TSKU: variants seen among roughly 807,000 people sequenced by gnomAD.
TSKU encodes the protein tsukushi, small leucine rich proteoglycan, also known as tsukushi.
TSKU carries 4 observed loss-of-function variants against 11.2 expected under a neutral mutation model. That is an observed-to-expected ratio of 0.36 (90% CI 0.18 to 0.82). TSKU has a LOEUF of 0.82. TSKU is among the 40% of genes least tolerant of loss of function. TSKU has a pLI of 0.50. For missense variants in TSKU, 407 were observed against 482.5 expected (o/e 0.84, Z 1.47); for synonymous variants, 220 against 232.2 (o/e 0.95, Z 0.48).
intron 1 of TSKU, among the ~76,000 whole-genome samples, chr11:76,790,698 CG>C: frequency 6.6e-6 from 1 of 152,156 alleles, no homozygotes; most frequent in Non-Finnish European, 1.5e-5. Flanking sequence ...AGACCTTCCC[CG>C]GCCACGTGGA....
At chr11:76,788,151 A>C (rs1944329916) in intron 1 of TSKU, among the ~76,000 whole-genome samples, 1 of 151,666 alleles carries the variant, frequency 6.6e-6, no homozygotes. Context: ...CATCAGCTTG[A>C]GTGAACTCAT....
At chr11:76,784,745 G>GT (rs1491575018) in intron 1 of TSKU, among the ~76,000 whole-genome samples, 2 of 120,738 alleles carry the variant, frequency 1.7e-5, no homozygotes, top group East Asian at 2.8e-4. Flanking sequence ...CTGACCGGAG[G>GT]TGGGGGGGGG....
chr11:76,796,789 T>TCGTC lies in TSKU; in HGVS notation c.*111_*112insCGTC. 1 of 814,438 alleles carries TCGTC rather than the reference T, an allele frequency of 1.2e-6. No homozygotes were observed. Among genetic ancestry groups the TCGTC allele is most frequent in the Non-Finnish European group, 1.8e-6 (1 of 571,076 alleles). 50.5% of individuals were successfully genotyped at this position (814,438 alleles called of 1,614,324 possible). On this transcript the variant is annotated 3_prime_UTR_variant, in exon 2 of 2. Coordinates refer to ENST00000333090, the MANE Select transcript of TSKU (RefSeq NM_015516.4). The surrounding 1 kb of genome is among the most constrained non-coding windows in gnomAD (Gnocchi z 4.1). Reference sequence around the variant, plus strand: ...CCAGTGGGGAGCCCGCAGGCCTATGTGGCAGCGTCACCACAGGAGTTGTGG... The same window carrying TCGTC: ...CCAGTGGGGAGCCCGCAGGCCTATGTCGTCGGCAGCGTCACCACAGGAGTTGTGG...
At chr11:76,794,533 G>A (rs1370979954) in intron 1 of TSKU, among the ~76,000 whole-genome samples, 3 of 152,172 alleles carry the variant, frequency 2.0e-5, no homozygotes, top group Non-Finnish European at 4.4e-5. Flanking sequence ...TCCCATTCCT[G>A]CCCTGCATTT....
At chr11:76,784,752 G>GA (rs1333838406) in intron 1 of TSKU, among the ~76,000 whole-genome samples, 1 of 145,162 alleles carries the variant, frequency 6.9e-6, no homozygotes, top group Non-Finnish European at 1.5e-5. Flanking sequence ...GAGGTGGGGG[G>GA]GGGGGGGTGC....
intron 1 of TSKU, among the ~76,000 whole-genome samples, chr11:76,785,951 G>T (rs1045958396): frequency 6.6e-6 from 1 of 152,162 alleles, no homozygotes; most frequent in African/African-American, 2.4e-5. Context: ...CACTGATTTG[G>T]TGTATTAAAT....
At chr11:76,788,722 T>C (rs1944336036) in intron 1 of TSKU, among the ~76,000 whole-genome samples, 1 of 152,094 alleles carries the variant, frequency 6.6e-6, no homozygotes, top group South Asian at 2.1e-4. Context: ...CAGAGCTAGG[T>C]TCACACCTGG....
chr11:76,785,919 G>A lies in TSKU; in HGVS notation c.-9+2515G>A, dbSNP rs544362778. On this transcript the variant is annotated intron_variant, in intron 1 of 1. Coordinates refer to ENST00000333090, the MANE Select transcript of TSKU (RefSeq NM_015516.4). ...CTGGGACAAGTAACTTATTTAAAAT[G>A]TGAGGATACTAATTCTTGCTCCACT... Among the ~76,000 whole-genome samples, 65 of 152,320 alleles carry A rather than the reference G, an allele frequency of 4.3e-4. 1 individual carries two copies. Among genetic ancestry groups the A allele is most frequent in the Admixed American group, 1.1e-3 (17 of 15,304 alleles).
In TSKU at chr11:76,795,980, G is replaced by T; in HGVS notation, c.364G>T (p.Ala122Ser). Residue 122 changes from alanine (A) to serine (S), a missense_variant, in exon 2 of 2, where the codon GCC (alanine) becomes TCC (serine). By Grantham distance (99) the Ala-to-Ser change is moderately conservative. Transcript: ENST00000333090. Reference sequence around the variant, plus strand: ...TGACCTCAGCCACAATGGCCTGACAGCCCTGCCAGCCGAGAGCTTCACCAG... The same window carrying T: ...TGACCTCAGCCACAATGGCCTGACATCCCTGCCAGCCGAGAGCTTCACCAG... ...SLDLSHNGLT[A>S]LPAESFTSSP... The T allele has an allele frequency of 6.2e-7, 1 of 1,613,892 alleles. No homozygotes were observed.
At chr11:76,789,611 C>CA (rs1424337081) in intron 1 of TSKU, among the ~76,000 whole-genome samples, 1 of 152,224 alleles carries the variant, frequency 6.6e-6, no homozygotes, top group African/African-American at 2.4e-5. Context: ...CCCCAAATCA[C>CA]AGATGGATGT....
At chr11:76,790,981 T>A (rs997735664) in intron 1 of TSKU, among the ~76,000 whole-genome samples, 2 of 152,180 alleles carry the variant, frequency 1.3e-5, no homozygotes, top group South Asian at 2.1e-4. Context: ...AAAATCCTGA[T>A]GGCAATATGG....
chr11:76,795,558 G>A, intron 1 of TSKU, 51 bp from the exon 2 acceptor site: 1 of 1,568,214 alleles, frequency 6.4e-7, no homozygotes, highest in Non-Finnish European at 8.6e-7. Context: ...CCTGTGTGGT[G>A]GCTTTAGACC....
Position 76,796,596 on chromosome 11 carries a change from G to T in TSKU, c.980G>T (p.Arg327Leu). 8 of 1,520,942 alleles carry T rather than the reference G, an allele frequency of 5.3e-6. No individual in the cohort carries two copies. Among genetic ancestry groups the T allele is most frequent in the Non-Finnish European group, 7.1e-6 (8 of 1,133,506 alleles). 94.2% of individuals were successfully genotyped at this position (1,520,942 alleles called of 1,614,324 possible). The change falls in exon 2 of 2, where the codon CGG (arginine) becomes CTG (leucine). Residue 327 changes from arginine (R) to leucine (L), a missense_variant. Coordinates refer to ENST00000333090, the MANE Select transcript of TSKU (RefSeq NM_015516.4). The surrounding 1 kb of genome is among the most constrained non-coding windows in gnomAD (Gnocchi z 4.1). ...CTGGTGCGGGAGGGCACCTACCCCC[G>T]GAGGCCTGGCTCCAGCCCCAAGGTG... ...RRLVREGTYP[R>L]RPGSSPKVAL... is the part of the protein sequence containing the mutation.
At chr11:76,790,477 G>A (rs1356284275) in intron 1 of TSKU, among the ~76,000 whole-genome samples, 1 of 152,184 alleles carries the variant, frequency 6.6e-6, no homozygotes, top group Non-Finnish European at 1.5e-5. Flanking sequence ...GAGGAAGGGA[G>A]TGTTAACTCC....
chr11:76,789,815 G>C (rs1944347692), intron 1 of TSKU, among the ~76,000 whole-genome samples: 1 of 152,138 alleles, frequency 6.6e-6, no homozygotes, highest in African/African-American at 2.4e-5. Flanking sequence ...GGTCCCAGAG[G>C]GAGGCAGTGT....
intron 1 of TSKU, among the ~76,000 whole-genome samples, chr11:76,791,277 A>G (rs1944366262): frequency 6.6e-6 from 1 of 152,244 alleles, no homozygotes; most frequent in Non-Finnish European, 1.5e-5. Flanking sequence ...TTGACAATGC[A>G]TTAGAAAAGA....
Position 76,796,967 on chromosome 11 carries a change from T to G in TSKU, c.*289T>G. On this transcript the variant is annotated 3_prime_UTR_variant, in exon 2 of 2. Coordinates refer to ENST00000333090, the MANE Select transcript of TSKU (RefSeq NM_015516.4). The surrounding 1 kb of genome is among the most constrained non-coding windows in gnomAD (Gnocchi z 4.1). ...TTCCCTTCCCCACTTATCCCCCAAGTGCCTTCCCTCATGCCTGGGCCGGCC... is the reference window on the plus strand; with the variant it reads ...TTCCCTTCCCCACTTATCCCCCAAGGGCCTTCCCTCATGCCTGGGCCGGCC... 1.3e-4 allele frequency: 31 copies of G among 244,010 alleles called. No individual in the cohort carries two copies. The highest frequency in any genetic ancestry group is 1.9e-4 in the Non-Finnish European group (23 of 118,242). The allele number at this position is 244,010 out of a possible 1,614,324, so 15.1% of individuals were successfully genotyped here.
chr11:76,791,329 C>T lies in TSKU; in HGVS notation c.-8-4280C>T, dbSNP rs532315065. 4.6e-5 allele frequency among the ~76,000 whole-genome samples: 7 copies of T among 152,326 alleles called. No individual in the cohort carries two copies. The East Asian group carries it at 1.2e-3, about 25-fold the overall frequency. ...TCTGAGGAGACATTTAAGCCGGCTG[C>T]AGAAATTTGCATAACTTGCAGCTGA... On this transcript the variant is annotated intron_variant, in intron 1 of 1. Coordinates refer to ENST00000333090, the MANE Select transcript of TSKU (RefSeq NM_015516.4).
At chr11:76,788,960 C>G (rs889053536) in intron 1 of TSKU, among the ~76,000 whole-genome samples, 3 of 152,164 alleles carry the variant, frequency 2.0e-5, no homozygotes, top group Non-Finnish European at 4.4e-5. Flanking sequence ...AGGGGTGGCC[C>G]GAGGGCCTGA....
Sources: gnomAD v4.1 joint callset for allele counts (sites outside exome capture counted in the v4.1 genomes callset) on GRCh38, gnomAD v4.1.1 for gene constraint, Gnocchi (gnomAD v3.1) non-coding constraint, MANE v1.5 for transcripts, NCBI Gene and HGNC (gene_info 2026-07-23, HGNC 2026-07-21) for gene names.